Variants in HTR7 observed in about 807,000 individuals in gnomAD.
HTR7 encodes the protein 5-hydroxytryptamine receptor 7, also known as 5-HT-7.
HTR7 carries 16 observed loss-of-function variants against 34.0 expected under a neutral mutation model. That is an observed-to-expected ratio of 0.47 (90% CI 0.32 to 0.71). The LOEUF is 0.71. HTR7 is among the 30% of genes least tolerant of loss of function. The pLI, the probability that HTR7 is intolerant of heterozygous loss-of-function variation, is 0.04. For missense variants in HTR7, 504 were observed against 625.5 expected (o/e 0.81, Z 2.07); for synonymous variants, 265 against 260.2 (o/e 1.02, Z -0.18).
At chr10:90,851,287 C>A (rs916850703) in intron 1 of HTR7, among the ~76,000 whole-genome samples, 28 of 152,172 alleles carry the variant, frequency 1.8e-4, no homozygotes, top group Non-Finnish European at 3.2e-4. Context: ...ATATAAAATT[C>A]CATACTCAGT....
chr10:90,827,697 T>C (rs1337848269), intron 1 of HTR7, among the ~76,000 whole-genome samples: 4 of 152,166 alleles, frequency 2.6e-5, no homozygotes, highest in Non-Finnish European at 5.9e-5. Flanking sequence ...TGTAAATACA[T>C]ATCTACCCAA....
Position 90,749,486 on chromosome 10 carries a change from A to C in HTR7, c.648T>G (p.Pro216=). The C allele has an allele frequency of 6.2e-7, 1 of 1,614,150 alleles. No homozygotes were observed. The highest frequency in any genetic ancestry group is 8.5e-7 in the Non-Finnish European group (1 of 1,180,020). Residue 216 remains proline (P), a synonymous_variant, in exon 2 of 4, where the codon CCT becomes CCG. Transcript: ENST00000336152. This position sits in a 1 kb window ranked among gnomAD's most constrained non-coding sequence, Gnocchi z 4.2. Reference sequence around the variant, plus strand: ...CATTCTGAGCCCATCCAAAGAGTGGAGGTAAGGTGATGGAGGCGGAGAGAA... The same window carrying C: ...CATTCTGAGCCCATCCAAAGAGTGGCGGTAAGGTGATGGAGGCGGAGAGAA... ...VWLLSASITL[P]PLFGWAQNVN...
chr10:90,751,979 T>C (rs1844746333), intron 1 of HTR7, among the ~76,000 whole-genome samples: 1 of 152,244 alleles, frequency 6.6e-6, no homozygotes. Flanking sequence ...TTCATTCTAG[T>C]ACACTTAGGC....
intron 1 of HTR7, among the ~76,000 whole-genome samples, chr10:90,808,704 C>G (rs1049588625): frequency 2.6e-5 from 4 of 152,026 alleles, no homozygotes; most frequent in Non-Finnish European, 4.4e-5. Flanking sequence ...CTATGGGCAA[C>G]CTTCCACCCT....
In HTR7 at chr10:90,742,386, A is replaced by T; in HGVS notation, c.*96T>A. Reference sequence around the variant, plus strand: ...CATGTTTTAGACATCCCAAGAAAGGACAGAAGCTGCATTCCATTCTGCAGA... The same window carrying T: ...CATGTTTTAGACATCCCAAGAAAGGTCAGAAGCTGCATTCCATTCTGCAGA... On this transcript the variant is annotated 3_prime_UTR_variant, in exon 4 of 4. Coordinates refer to ENST00000336152, the MANE Select transcript of HTR7 (RefSeq NM_019859.4). 1.1e-6 allele frequency: 1 copy of T among 899,442 alleles called. No homozygotes were observed. The highest frequency in any genetic ancestry group is 1.8e-6 in the Non-Finnish European group (1 of 561,786). 55.7% of individuals were successfully genotyped at this position (899,442 alleles called of 1,614,324 possible).
chr10:90,809,234 G>A (rs1203849174), intron 1 of HTR7, among the ~76,000 whole-genome samples: 4 of 152,108 alleles, frequency 2.6e-5, no homozygotes, highest in Non-Finnish European at 5.9e-5. Context: ...CTAGCCCTCT[G>A]CCACCTGCCT....
At chr10:90,802,529 A>G (rs1229958496) in intron 1 of HTR7, among the ~76,000 whole-genome samples, 1 of 152,216 alleles carries the variant, frequency 6.6e-6, no homozygotes, top group African/African-American at 2.4e-5. Flanking sequence ...TTGAGTCACT[A>G]CTGGAACTAA....
At chr10:90,745,825 G>A (rs1844624627) in intron 2 of HTR7, among the ~76,000 whole-genome samples, 2 of 152,168 alleles carry the variant, frequency 1.3e-5, no homozygotes, top group Non-Finnish European at 2.9e-5. Context: ...ACTCATCAGT[G>A]AGATGAGTAG....
chr10:90,804,939 A>G (rs1845680891), intron 1 of HTR7, among the ~76,000 whole-genome samples: 1 of 152,240 alleles, frequency 6.6e-6, no homozygotes, highest in Non-Finnish European at 1.5e-5. Context: ...AAAAGTTGAC[A>G]AAGACTCCTC....
intron 1 of HTR7, among the ~76,000 whole-genome samples, chr10:90,856,718 T>C (rs1237267876): frequency 6.6e-6 from 1 of 151,958 alleles, no homozygotes; most frequent in African/African-American, 2.4e-5. Context: ...GCTCCCACAA[T>C]GGGGTAAGCA....
intron 1 of HTR7, among the ~76,000 whole-genome samples, chr10:90,816,560 T>C (rs369104995): frequency 6.6e-6 from 1 of 152,232 alleles, no homozygotes; most frequent in Non-Finnish European, 1.5e-5. Context: ...AGCTCTCTCA[T>C]GGAATAAGTT....
At chr10:90,845,011 C>A (rs943388088) in intron 1 of HTR7, among the ~76,000 whole-genome samples, 12 of 151,932 alleles carry the variant, frequency 7.9e-5, no homozygotes, top group African/African-American at 2.9e-4. Flanking sequence ...ACTGTGAGTG[C>A]CCAACTGAAA....
At chr10:90,848,497 A>G (rs182884284) in intron 1 of HTR7, among the ~76,000 whole-genome samples, 1 of 152,320 alleles carries the variant, frequency 6.6e-6, no homozygotes, top group Non-Finnish European at 1.5e-5. Context: ...TATACTTTAT[A>G]TTTTGCTGCT....
chr10:90,809,336 C>G (rs1461016555), intron 1 of HTR7, among the ~76,000 whole-genome samples: 1 of 152,164 alleles, frequency 6.6e-6, no homozygotes, highest in African/African-American at 2.4e-5. Context: ...AGCGTTTAGG[C>G]TCTTTTTCAT....
chr10:90,805,169 G>A (rs921428701), intron 1 of HTR7, among the ~76,000 whole-genome samples: 3 of 152,150 alleles, frequency 2.0e-5, no homozygotes, highest in African/African-American at 7.2e-5. Flanking sequence ...GGTGGCTGAA[G>A]ACAGTTATTT....
At chr10:90,765,399 C>T (rs1246272613) in intron 1 of HTR7, among the ~76,000 whole-genome samples, 1 of 151,920 alleles carries the variant, frequency 6.6e-6, no homozygotes, top group Non-Finnish European at 1.5e-5. Flanking sequence ...TATCCTCTTT[C>T]ATTTCTGATT....
At chr10:90,803,524 C>T (rs957380116) in intron 1 of HTR7, among the ~76,000 whole-genome samples, 2 of 152,170 alleles carry the variant, frequency 1.3e-5, no homozygotes, top group African/African-American at 4.8e-5. Flanking sequence ...TCGCCCCACT[C>T]CTGAGATCTT....
chr10:90,744,419 T>C (rs1361256736), intron 2 of HTR7, among the ~76,000 whole-genome samples: 1 of 151,778 alleles, frequency 6.6e-6, no homozygotes, highest in African/African-American at 2.4e-5. Flanking sequence ...ATTTTCTACA[T>C]TTGGAGTTAT....
At chr10:90,766,324 T>C (rs1297325883) in intron 1 of HTR7, among the ~76,000 whole-genome samples, 1 of 152,220 alleles carries the variant, frequency 6.6e-6, no homozygotes, top group African/African-American at 2.4e-5. Flanking sequence ...TTGTTTGATA[T>C]AAGTGGATCC....
Sources: allele counts gnomAD v4.1 joint callset (sites outside exome capture counted in the v4.1 genomes callset), GRCh38; gene constraint gnomAD v4.1.1; non-coding constraint Gnocchi (gnomAD v3.1); transcripts MANE v1.5; gene names NCBI Gene and HGNC (gene_info 2026-07-23, HGNC 2026-07-21).